RELCH: variants seen among roughly 807,000 people sequenced by gnomAD.
RELCH encodes RAB11-binding protein RELCH.
In RELCH, 41 loss-of-function variants were observed where a neutral mutation model predicts 150.3. The ratio of observed to expected loss-of-function variants is 0.27; its 90% CI spans 0.21 to 0.35. RELCH has a LOEUF of 0.35. Ranked by LOEUF, RELCH falls within the 10% of genes least tolerant of loss-of-function variation. The pLI is 1.00. For missense variants in RELCH, 1,092 were observed against 1,467.8 expected (o/e 0.74, Z 4.18); for synonymous variants, 478 against 531.8 (o/e 0.90, Z 1.39).
chr18:62,288,909 A>G (rs1364838209), intron 26 of RELCH, among the ~76,000 whole-genome samples: 1 of 152,170 alleles, frequency 6.6e-6, no homozygotes, highest in African/African-American at 2.4e-5. Context: ...CAAAGAAAGA[A>G]AACATTGGTG....
chr18:62,298,414 G>A (rs780996353), intron 27 of RELCH, among the ~76,000 whole-genome samples: 1 of 152,172 alleles, frequency 6.6e-6, no homozygotes. Flanking sequence ...AAGCAAAGGG[G>A]CGTAGAACAG....
At chr18:62,197,196 G>A (rs2039107907) in intron 1 of RELCH, among the ~76,000 whole-genome samples, 1 of 152,020 alleles carries the variant, frequency 6.6e-6, no homozygotes, top group East Asian at 1.9e-4. Flanking sequence ...TTTCCACTGG[G>A]GTAGTTGCAA....
At chr18:62,265,245 A>G (rs1272768715) in intron 18 of RELCH, among the ~76,000 whole-genome samples, 2 of 152,098 alleles carry the variant, frequency 1.3e-5, no homozygotes, top group African/African-American at 2.4e-5. Flanking sequence ...ACCTCAAGCG[A>G]TTATGGAACC....
Position 62,307,346 on chromosome 18 carries a change from G to A in RELCH, c.*1812G>A, listed in dbSNP as rs2045909042. On this transcript the variant is annotated 3_prime_UTR_variant, in exon 29 of 29. Coordinates refer to ENST00000644646, the MANE Select transcript of RELCH (RefSeq NM_001346231.2). ...AAGAAAAATGTTTAAACTCTGATTT[G>A]CTTCAAACTATAGTAGAATATGTGT... 1 of 151,974 alleles carries A rather than the reference G, an allele frequency of 6.6e-6. No homozygotes were observed. Among genetic ancestry groups the A allele is most frequent in the Admixed American group, 6.6e-5 (1 of 15,266 alleles). The allele number at this position is 151,974 out of a possible 1,614,324, so 9.4% of individuals were successfully genotyped here. A position where few individuals can be genotyped will look rare whatever the true frequency, so the allele number is the denominator to read the frequency against.
intron 2 of RELCH, among the ~76,000 whole-genome samples, chr18:62,218,956 C>T (rs2040658684): frequency 6.6e-6 from 1 of 151,896 alleles, no homozygotes. Context: ...TTGCTATTAA[C>T]CTTTCTTTTG....
intron 2 of RELCH, among the ~76,000 whole-genome samples, chr18:62,211,747 C>T (rs746651638): frequency 1.1e-4 from 17 of 151,730 alleles, no homozygotes; most frequent in Non-Finnish European, 2.5e-4. Flanking sequence ...AACATAATGA[C>T]ACTTAATCTC....
chr18:62,193,598 C>G (rs2038808914), intron 1 of RELCH, among the ~76,000 whole-genome samples: 2 of 152,032 alleles, frequency 1.3e-5, no homozygotes, highest in Admixed American at 1.3e-4. Context: ...TATCAAAGGC[C>G]TTTTCTGTAT....
At chr18:62,241,038 C>T (rs993929796) in intron 10 of RELCH, among the ~76,000 whole-genome samples, 2 of 152,138 alleles carry the variant, frequency 1.3e-5, no homozygotes, top group Non-Finnish European at 2.9e-5. Flanking sequence ...AAAGCTATCA[C>T]CAGACACCTC....
intron 1 of RELCH, among the ~76,000 whole-genome samples, chr18:62,192,742 C>T (rs1323405842): frequency 2.0e-5 from 3 of 151,740 alleles, no homozygotes; most frequent in African/African-American, 4.8e-5. Context: ...TCTGTTGGTC[C>T]GTGTCTGTTT....
chr18:62,212,666 C>T (rs2040241789), intron 2 of RELCH, among the ~76,000 whole-genome samples: 1 of 152,100 alleles, frequency 6.6e-6, no homozygotes, highest in African/African-American at 2.4e-5. Context: ...TTATCTTGTT[C>T]CTCTCCCCAG....
intron 22 of RELCH, among the ~76,000 whole-genome samples, chr18:62,277,162 G>A (rs1350164863): frequency 6.6e-6 from 1 of 151,942 alleles, no homozygotes; most frequent in Non-Finnish European, 1.5e-5. Flanking sequence ...CACTTGTTTT[G>A]AGGTTTTTTG....
rs2043081127 is a variant in RELCH at position 62,258,195 on chromosome 18, G to A, written c.2037+107G>A. On this transcript the variant is annotated intron_variant, in intron 14 of 28. Transcript: ENST00000644646. Reference sequence around the variant, plus strand: ...TTTATAATGTATCATAAGGATGGCAGGTATGTCAACTTTAGTCATCTGGGG... The same window carrying A: ...TTTATAATGTATCATAAGGATGGCAAGTATGTCAACTTTAGTCATCTGGGG... 4 of 1,093,342 alleles carry A rather than the reference G, an allele frequency of 3.7e-6. No individual in the cohort carries two copies. The African/African-American group carries it at 4.9e-5, about 13-fold the overall frequency. The allele number at this position is 1,093,342 out of a possible 1,614,324, so 67.7% of individuals were successfully genotyped here.
chr18:62,254,199 A>T (rs2042876913), intron 12 of RELCH, among the ~76,000 whole-genome samples: 2 of 152,044 alleles, frequency 1.3e-5, no homozygotes, highest in African/African-American at 4.8e-5. Context: ...TTGCCATCCT[A>T]ATTTTATATA....
chr18:62,269,086 A>C (rs914133192), intron 20 of RELCH, 138 bp downstream of exon 20: 1 of 430,472 alleles, frequency 2.3e-6, no homozygotes, highest in African/African-American at 2.1e-5. Context: ...AATAATTTAT[A>C]ATGGATAGCA....
intron 14 of RELCH, 85 bp from the exon 15 acceptor site, chr18:62,258,427 T>C (rs2043092411): frequency 8.4e-7 from 1 of 1,186,852 alleles, no homozygotes; most frequent in Non-Finnish European, 1.2e-6. Context: ...TCTTAATTTA[T>C]TGAAATTTTT....
intron 11 of RELCH, among the ~76,000 whole-genome samples, chr18:62,251,671 C>T (rs1334561403): frequency 6.6e-6 from 1 of 152,102 alleles, no homozygotes; most frequent in Non-Finnish European, 1.5e-5. Context: ...AGGTATAATA[C>T]CAAAAAATCT....
intron 1 of RELCH, among the ~76,000 whole-genome samples, chr18:62,200,964 C>CTTTTTT (rs543882947): frequency 1.8e-5 from 1 of 54,988 alleles, no homozygotes; most frequent in Non-Finnish European, 3.1e-5. Context: ...TTTTTCTTTG[C>CTTTTTT]TTTTTTTTTT....
rs773852098 is a variant in RELCH at position 62,252,668 on chromosome 18, A to G, written c.1738A>G (p.Met580Val). 3 of 1,613,772 alleles carry G rather than the reference A, an allele frequency of 1.9e-6. No individual in the cohort carries two copies. The highest frequency in any genetic ancestry group is 2.5e-6 in the Non-Finnish European group (3 of 1,179,736). ...GTTTTTTATATTATTTTTCAGGCAAATGATACTGACAGGTTGTGTGGCATT... is the reference window on the plus strand; with the variant it reads ...GTTTTTTATATTATTTTTCAGGCAAGTGATACTGACAGGTTGTGTGGCATT... The part of the protein sequence containing the change: ...IKRPDDEQRQ[M>V]ILTGCVAFAR... Residue 580 changes from methionine (M) to valine (V), a missense_variant, in exon 12 of 29, where the codon ATG (methionine) becomes GTG (valine). This residue lies in a region of RELCH where 707 missense variants were observed against 1,025.4 expected (regional missense o/e 0.69). Transcript: ENST00000644646.
intron 1 of RELCH, among the ~76,000 whole-genome samples, chr18:62,198,847 A>G (rs1036046006): frequency 2.0e-5 from 3 of 152,072 alleles, no homozygotes; most frequent in Non-Finnish European, 2.9e-5. Flanking sequence ...GGAATTTTTT[A>G]ATTTCTTCTC....
Sources: allele counts gnomAD v4.1 joint callset (sites outside exome capture counted in the v4.1 genomes callset), GRCh38; gene constraint gnomAD v4.1.1; regional missense constraint gnomAD v4.1.1; transcripts MANE v1.5; gene names NCBI Gene and HGNC (gene_info 2026-07-23, HGNC 2026-07-21).